The following MCCC2 variants were observed in gnomAD, a reference collection of about 807,000 sequenced individuals.
MCCC2 encodes methylcrotonyl-CoA carboxylase subunit 2.
In MCCC2, 52 loss-of-function variants were observed where a neutral mutation model predicts 77.2. The ratio of observed to expected loss-of-function variants is 0.67; its 90% confidence interval spans 0.54 to 0.85. MCCC2 has a LOEUF of 0.85. MCCC2 is among the 40% of genes least tolerant of loss of function. MCCC2 has a pLI of 0.00. For synonymous variants in MCCC2, 253 were observed against 248.4 expected (o/e 1.02, Z -0.18); for missense variants, 682 against 703.2 (o/e 0.97, Z 0.34).
At chr5:71,609,914 A>G (rs1745853761) in intron 6 of MCCC2, among the ~76,000 whole-genome samples, 1 of 152,010 alleles carries the variant, frequency 6.6e-6, no homozygotes, top group Admixed American at 6.5e-5. Flanking sequence ...TTGAGGAGGC[A>G]GTCTGCCCGT....
chr5:71,634,685 C>T (rs929863924), intron 8 of MCCC2, among the ~76,000 whole-genome samples: 1 of 152,160 alleles, frequency 6.6e-6, no homozygotes, highest in African/African-American at 2.4e-5. Context: ...TCTTATGTAG[C>T]TACTTGTGGT....
At chr5:71,633,127 A>ATTTTTTTTTTTTTTT (rs1440841730) in intron 8 of MCCC2, among the ~76,000 whole-genome samples, 8 of 63,808 alleles carry the variant, frequency 1.3e-4, no homozygotes, top group Admixed American at 2.3e-4. Flanking sequence ...ATATATATAT[A>ATTTTTTTTTTTTTTT]TATATTTTTA....
rs1329269572 is a variant in MCCC2 at position 71,596,282 on chromosome 5, G to A, written c.199G>A (p.Gly67Ser). 1.2e-6 allele frequency: 2 copies of A among 1,613,578 alleles called. No homozygotes were observed. Among genetic ancestry groups the A allele is most frequent in the Admixed American group, 1.7e-5 (1 of 60,000 alleles). ...HERVEHIKLG[G>S]GEKARALHIS... is the part of the protein sequence containing the mutation. The stretch of plus-strand genomic sequence containing the variant: ...ATCTAATCACATTTCTATCATAGGA[G>A]GTGGTGAGAAAGCCCGAGCACTTCA... The change falls in exon 3 of 17, where the codon GGT (glycine) becomes AGT (serine). Residue 67 changes from glycine to serine, a missense_variant and splice_region_variant. Transcript: ENST00000340941.
At chr5:71,602,347 A>G (rs1745470308) in intron 4 of MCCC2, among the ~76,000 whole-genome samples, 159 bp from the exon 5 acceptor site, 1 of 152,230 alleles carries the variant, frequency 6.6e-6, no homozygotes, top group Non-Finnish European at 1.5e-5. Context: ...AACTGTGATT[A>G]AAGTTTGCAT....
At chr5:71,599,903 C>A (rs933826805) in intron 4 of MCCC2, 143 bp downstream of exon 4, 2 of 736,314 alleles carry the variant, frequency 2.7e-6, no homozygotes, top group East Asian at 5.5e-5. Flanking sequence ...TGGTGGCTCA[C>A]GCCTGTAATC....
At chr5:71,641,188 A>G in intron 11 of MCCC2, 113 bp downstream of exon 11, 1 of 932,308 alleles carries the variant, frequency 1.1e-6, no homozygotes, top group Non-Finnish European at 1.7e-6. Flanking sequence ...TGAGAGCACT[A>G]CAAATGTGTG....
intron 7 of MCCC2, among the ~76,000 whole-genome samples, chr5:71,627,774 A>C (rs1338711347): frequency 2.0e-5 from 3 of 150,342 alleles, no homozygotes; most frequent in Non-Finnish European, 4.4e-5. Context: ...GTGAGGTAGT[A>C]CCTCATTTTG....
At position 71,656,942 on chromosome 5, in the gene MCCC2, A is replaced by G. The variant is rs1747597947; in HGVS notation, c.*82A>G. ...CCTTAAAATTTTAGACTTCTCGAAC[A>G]TGAGGCTGTTACAGTAATTTTTTTA... On this transcript the variant is annotated 3_prime_UTR_variant, in exon 17 of 17. Coordinates refer to ENST00000340941, the MANE Select transcript of MCCC2 (RefSeq NM_022132.5). The G allele has an allele frequency of 3.8e-6, 4 of 1,040,872 alleles. No individual in the cohort carries two copies. Among genetic ancestry groups the G allele is most frequent in the Non-Finnish European group, 6.0e-6 (4 of 662,578 alleles). The allele number at this position is 1,040,872 out of a possible 1,614,324, so 64.5% of individuals were successfully genotyped here.
intron 8 of MCCC2, among the ~76,000 whole-genome samples, chr5:71,633,131 A>ATATTTTTTAT (rs1554137344): frequency 2.6e-5 from 2 of 78,096 alleles, no homozygotes; most frequent in Non-Finnish European, 4.9e-5. Context: ...ATATATATAT[A>ATATTTTTTAT]TTTTTATTTT....
In MCCC2 at chr5:71,599,776, G is replaced by A. The variant is rs752268703; in HGVS notation, c.383+16G>A. On this transcript the variant is annotated intron_variant, in intron 4 of 16. Coordinates refer to ENST00000340941, the MANE Select transcript of MCCC2 (RefSeq NM_022132.5). The stretch of plus-strand genomic sequence containing the variant: ...GAGTATCAGGGTGAGTATTCTACTT[G>A]TGCTTCATAATGTGGGTTGAGAAGA... 3 of 1,600,490 alleles carry A rather than the reference G, an allele frequency of 1.9e-6. No individual in the cohort carries two copies. Among genetic ancestry groups the A allele is most frequent in the South Asian group, 2.2e-5 (2 of 90,780 alleles).
chr5:71,641,001 A>G lies in MCCC2; in HGVS notation c.1000-2A>G, dbSNP rs2112453728. Reference sequence around the variant, plus strand: ...CAAGGCCATTGTTGTTTTTCCTCTTAGGTCATTGCTAGAATCGTGGATGGA... The same window carrying G: ...CAAGGCCATTGTTGTTTTTCCTCTTGGGTCATTGCTAGAATCGTGGATGGA... On this transcript the variant is annotated splice_acceptor_variant, in intron 10 of 16. Transcript: ENST00000340941. LOFTEE classifies it high-confidence loss of function. 1.2e-6 allele frequency: 2 copies of G among 1,613,790 alleles called. No individual in the cohort carries two copies. The highest frequency in any genetic ancestry group is 4.5e-5 in the East Asian group (2 of 44,862).
intron 12 of MCCC2, among the ~76,000 whole-genome samples, chr5:71,645,371 G>A (rs1262570005): frequency 6.6e-6 from 1 of 152,052 alleles, no homozygotes; most frequent in Non-Finnish European, 1.5e-5. Flanking sequence ...TAAAGGAAAT[G>A]GTTTATAAGA....
Position 71,646,681 on chromosome 5 carries a change from A to G in MCCC2, c.1216+404A>G, listed in dbSNP as rs538818314. On this transcript the variant is annotated intron_variant, in intron 13 of 16. Transcript: ENST00000340941. Reference sequence around the variant, plus strand: ...AGCCACCACACCTTGCTGATTATCCATATTTTCTAAGTGAAGCTATTTCTG... The same window carrying G: ...AGCCACCACACCTTGCTGATTATCCGTATTTTCTAAGTGAAGCTATTTCTG... Among the ~76,000 whole-genome samples, 21 of 152,214 alleles carry G rather than the reference A, an allele frequency of 1.4e-4. No homozygotes were observed. In the South Asian group the frequency reaches 3.1e-3, roughly 23 times the overall value.
intron 1 of MCCC2, among the ~76,000 whole-genome samples, chr5:71,590,568 G>A (rs1173653930): frequency 6.6e-6 from 1 of 152,172 alleles, no homozygotes; most frequent in Non-Finnish European, 1.5e-5. Context: ...TGTAATCCTA[G>A]CGCTTTGGGA....
In MCCC2 at chr5:71,600,173, A is replaced by C. The variant is rs150541917; in HGVS notation, c.383+413A>C. On this transcript the variant is annotated intron_variant, in intron 4 of 16. Coordinates refer to ENST00000340941, the MANE Select transcript of MCCC2 (RefSeq NM_022132.5). ...AGCAAGACTCCGTCTCAAAAAAAAA[A>C]CAAAAAGATGTCTTTCCATGGAGAC... Among the ~76,000 whole-genome samples the C allele has an allele frequency of 6.2e-3, 939 of 152,216 alleles. 9 individuals carry two copies. The highest frequency in any genetic ancestry group is 9.8e-3 in the Non-Finnish European group (669 of 67,998).
rs567587343 is a variant in MCCC2, at chr5:71,658,414, T to C, written c.*1554T>C. The stretch of plus-strand genomic sequence containing the variant: ...CCCTGTGCTGGATTAGCTTCCCTAC[T>C]CTATGCTCTTGTAAAACACTATCTA... On this transcript the variant is annotated 3_prime_UTR_variant, in exon 17 of 17. Coordinates refer to ENST00000340941, the MANE Select transcript of MCCC2 (RefSeq NM_022132.5). 1 of 152,332 alleles carries C rather than the reference T, an allele frequency of 6.6e-6. No homozygotes were observed. The highest frequency in any genetic ancestry group is 1.9e-4 in the East Asian group (1 of 5,182). 9.4% of individuals were successfully genotyped at this position (152,332 alleles called of 1,614,324 possible). A position where few individuals can be genotyped will look rare whatever the true frequency, so the allele number is the denominator to read the frequency against.
intron 6 of MCCC2, among the ~76,000 whole-genome samples, chr5:71,625,797 A>G (rs1746511585): frequency 6.6e-6 from 1 of 152,244 alleles, no homozygotes; most frequent in Admixed American, 6.5e-5. Flanking sequence ...TCTTTTGATT[A>G]TACCAGTATG....
intron 7 of MCCC2, 117 bp downstream of exon 7, chr5:71,626,870 A>G (rs1406579895): frequency 4.0e-6 from 4 of 992,172 alleles, no homozygotes; most frequent in Non-Finnish European, 6.2e-6. Context: ...ATAACATAAA[A>G]CTTACTGTTG....
chr5:71,592,866 TG>T, intron 1 of MCCC2, 59 bp from the exon 2 acceptor site: 1 of 1,290,958 alleles, frequency 7.7e-7, no homozygotes, highest in Non-Finnish European at 1.1e-6. Context: ...ACCTTTATTT[TG>T]GTAAAAAGGA....
Sources: allele counts gnomAD v4.1 joint callset (sites outside exome capture counted in the v4.1 genomes callset), GRCh38; gene constraint gnomAD v4.1.1; transcripts MANE v1.5; gene names NCBI Gene and HGNC (gene_info 2026-07-23, HGNC 2026-07-21).